KCNIP4: variants seen among roughly 807,000 people sequenced by gnomAD.
The protein encoded by KCNIP4 is potassium voltage-gated channel interacting protein 4, also known as Kv channel-interacting protein 4.
Under a neutral mutation model 34.0 loss-of-function variants are expected in KCNIP4, and 12 were observed. The observed-to-expected ratio is 0.35, with a 90% CI of 0.23 to 0.57. KCNIP4 has a LOEUF of 0.57. Among genes scored for constraint, KCNIP4 ranks in the 20% least tolerant of loss-of-function variants. The pLI, the probability that KCNIP4 is intolerant of heterozygous loss-of-function variation, is 0.83. For synonymous variants in KCNIP4, 124 were observed against 102.2 expected, an observed-to-expected ratio of 1.21 and a Z score of -1.29; for missense variants, 238 against 311.7, an observed-to-expected ratio of 0.76 and a Z score of 1.78.
At chr4:21,044,033 C>T (rs1174707004) in intron 1 of KCNIP4, among the ~76,000 whole-genome samples, 1 of 152,022 alleles carries the variant, frequency 6.6e-6, no homozygotes, top group African/African-American at 2.4e-5. Flanking sequence ...AATTCTACTC[C>T]AGGGTCCTGG....
chr4:21,505,775 T>C (rs1471518945), intron 1 of KCNIP4, among the ~76,000 whole-genome samples: 1 of 152,126 alleles, frequency 6.6e-6, no homozygotes, highest in Admixed American at 6.6e-5. Flanking sequence ...TGACTACTTT[T>C]CTCACTAAAT....
intron 1 of KCNIP4, among the ~76,000 whole-genome samples, chr4:20,929,932 A>T (rs2149599397): frequency 6.6e-6 from 1 of 152,204 alleles, no homozygotes; most frequent in South Asian, 2.1e-4. Flanking sequence ...CAATGTTAAA[A>T]TGTCTGTATT....
chr4:20,900,005 A>C (rs1726995868), intron 1 of KCNIP4, among the ~76,000 whole-genome samples: 1 of 152,160 alleles, frequency 6.6e-6, no homozygotes, highest in Non-Finnish European at 1.5e-5. Flanking sequence ...GTCTGCCCTG[A>C]TACTTTCCCC....
chr4:21,671,999 G>T (rs186104862), intron 1 of KCNIP4, among the ~76,000 whole-genome samples: 6 of 152,252 alleles, frequency 3.9e-5, no homozygotes, highest in African/African-American at 1.4e-4. Flanking sequence ...GCACTTCATA[G>T]ACTCTCTCTT....
chr4:21,675,166 C>A (rs1242708263), intron 1 of KCNIP4, among the ~76,000 whole-genome samples: 1 of 152,068 alleles, frequency 6.6e-6, no homozygotes, highest in Non-Finnish European at 1.5e-5. Flanking sequence ...AAACAGAGAT[C>A]ATTATGTTAA....
rs145167444 is a variant in KCNIP4 at position 20,730,537 on chromosome 4, G to A, written c.706-408C>T. Among the ~76,000 whole-genome samples the A allele has an allele frequency of 2.3e-3, 354 of 152,036 alleles. 8 individuals carry two copies. In the South Asian group the frequency reaches 0.046, roughly 20 times the overall value. ...ATACAGGTACAAGGAAAATTTGTGT[G>A]TATGAGCCAGCAGTTCATGAAGATT... On this transcript the variant is annotated intron_variant, in intron 8 of 8. Transcript: ENST00000382152.
At chr4:20,754,709 T>C (rs527911644) in intron 4 of KCNIP4, among the ~76,000 whole-genome samples, 1 of 152,300 alleles carries the variant, frequency 6.6e-6, no homozygotes, top group South Asian at 2.1e-4. Flanking sequence ...AAATCCCTAA[T>C]CCCTTTGGAT....
At position 21,067,556 on chromosome 4, in the gene KCNIP4, G is replaced by T. The variant is rs1483934179; in HGVS notation, c.62-184847C>A. Among the ~76,000 whole-genome samples the T allele has an allele frequency of 2.0e-5, 3 of 152,246 alleles. No individual in the cohort carries two copies. The South Asian group carries it at 6.2e-4, about 32-fold the overall frequency. Reference sequence around the variant, plus strand: ...TAGGAGGAACTCATCCTCTTAGAAAGAACTCATCACACTAAAAGGAAGGAC... The same window carrying T: ...TAGGAGGAACTCATCCTCTTAGAAATAACTCATCACACTAAAAGGAAGGAC... On this transcript the variant is annotated intron_variant, in intron 1 of 8. Coordinates refer to ENST00000382152, the MANE Select transcript of KCNIP4 (RefSeq NM_025221.6).
At chr4:21,051,444 C>T (rs1577600729) in intron 1 of KCNIP4, among the ~76,000 whole-genome samples, 2 of 152,062 alleles carry the variant, frequency 1.3e-5, no homozygotes, top group Admixed American at 6.6e-5. Context: ...ATTAATTTTC[C>T]CTTAATTACA....
At chr4:20,995,441 A>G (rs181989826) in intron 1 of KCNIP4, among the ~76,000 whole-genome samples, 29 of 152,270 alleles carry the variant, frequency 1.9e-4, no homozygotes, top group Admixed American at 1.9e-3. Flanking sequence ...TCTCTGAGGT[A>G]TTTCGATTAT....
chr4:20,917,201 C>A (rs1728940357), intron 1 of KCNIP4, among the ~76,000 whole-genome samples: 1 of 151,148 alleles, frequency 6.6e-6, no homozygotes, highest in Admixed American at 6.6e-5. Flanking sequence ...CCACGCCCAG[C>A]TAATTTTTGT....
intron 1 of KCNIP4, among the ~76,000 whole-genome samples, chr4:21,242,090 G>C (rs1430677184): frequency 1.3e-5 from 2 of 150,798 alleles, no homozygotes; most frequent in Non-Finnish European, 2.9e-5. Context: ...CGTGAACCCA[G>C]GAGGCGGAGC....
chr4:21,415,768 C>T (rs1357433319), intron 1 of KCNIP4, among the ~76,000 whole-genome samples: 1 of 151,972 alleles, frequency 6.6e-6, no homozygotes, highest in Admixed American at 6.6e-5. Flanking sequence ...TAAATGGTCT[C>T]ACTACACACA....
intron 1 of KCNIP4, among the ~76,000 whole-genome samples, chr4:21,391,856 A>G (rs957255533): frequency 3.9e-5 from 6 of 152,100 alleles, no homozygotes; most frequent in African/African-American, 1.2e-4. Context: ...TGTAAGTGTG[A>G]TGTTCCTGAT....
intron 1 of KCNIP4, among the ~76,000 whole-genome samples, chr4:21,345,066 C>T (rs1034375738): frequency 2.0e-5 from 3 of 152,224 alleles, no homozygotes; most frequent in African/African-American, 7.2e-5. Flanking sequence ...TGACTTGCTT[C>T]TGGACAACAG....
chr4:21,070,074 A>G (rs1744751386), intron 1 of KCNIP4, among the ~76,000 whole-genome samples: 1 of 152,200 alleles, frequency 6.6e-6, no homozygotes, highest in Non-Finnish European at 1.5e-5. Flanking sequence ...ACTACTATAT[A>G]AATGGAATCA....
At chr4:20,912,654 C>A (rs141096102) in intron 1 of KCNIP4, among the ~76,000 whole-genome samples, 36 of 152,072 alleles carry the variant, frequency 2.4e-4, no homozygotes, top group African/African-American at 8.4e-4. Context: ...ATTTAGTATC[C>A]AAAATACATA....
intron 4 of KCNIP4, among the ~76,000 whole-genome samples, chr4:20,752,055 GTT>G (rs33912651): frequency 2.5e-5 from 3 of 121,670 alleles, no homozygotes; most frequent in Admixed American, 8.9e-5. Flanking sequence ...ACTTCATAGA[GTT>G]TTTTTTTTTT....
intron 1 of KCNIP4, among the ~76,000 whole-genome samples, chr4:21,108,526 C>A (rs1034439600): frequency 3.3e-5 from 5 of 151,550 alleles, no homozygotes; most frequent in Non-Finnish European, 4.4e-5. Flanking sequence ...TTTTTAACTT[C>A]TTTGCCTTTG....
Sources: gnomAD v4.1 joint callset for allele counts (sites outside exome capture counted in the v4.1 genomes callset) on GRCh38, gnomAD v4.1.1 for gene constraint, MANE v1.5 for transcripts, NCBI Gene and HGNC (gene_info 2026-07-23, HGNC 2026-07-21) for gene names.